The following AXIN1 variants were observed in gnomAD, a reference collection of about 807,000 sequenced individuals.
AXIN1 encodes axin-1.
AXIN1 carries 30 observed loss-of-function variants against 76.4 expected under a neutral mutation model. The observed-to-expected ratio is 0.39, with a 90% CI of 0.29 to 0.53. The LOEUF is 0.53. AXIN1 is among the 20% of genes least tolerant of loss of function. AXIN1 has a pLI of 0.66. For synonymous variants in AXIN1, 545 were observed against 501.4 expected (o/e 1.09, Z -1.16); for missense variants, 1,140 against 1,198.8 (o/e 0.95, Z 0.72).
Position 287,976 on chromosome 16 carries a change from C to T in AXIN1, c.*146G>A. 1 of 1,390,020 alleles carries T rather than the reference C, an allele frequency of 7.2e-7. No homozygotes were observed. The highest frequency in any genetic ancestry group is 1.0e-6 in the Non-Finnish European group (1 of 994,366). The allele number at this position is 1,390,020 out of a possible 1,614,324, so 86.1% of individuals were successfully genotyped here. On this transcript the variant is annotated 3_prime_UTR_variant, in exon 11 of 11. Transcript: ENST00000262320. ...ACCACTTGGAGGGACCCCCTACCTGCCTCTAGACACGGGTAGACCACAGGG... is the reference window on the plus strand; with the variant it reads ...ACCACTTGGAGGGACCCCCTACCTGTCTCTAGACACGGGTAGACCACAGGG...
chr16:323,636 C>A (rs1304190728), intron 2 of AXIN1, among the ~76,000 whole-genome samples: 3 of 151,466 alleles, frequency 2.0e-5, no homozygotes, highest in Non-Finnish European at 4.4e-5. Flanking sequence ...AAAAAATTAG[C>A]CAAGCGTGGT....
rs144093618 is a variant in AXIN1, at chr16:326,394, T to TATATATATATATATATACACAC, written c.879-11712_879-11711insGTGTGTATATATATATATATAT. 4.4e-3 allele frequency among the ~76,000 whole-genome samples: 529 copies of TATATATATATATATATACACAC among 118,912 alleles called. 4 individuals carry two copies. Among genetic ancestry groups the TATATATATATATATATACACAC allele is most frequent in the Non-Finnish European group, 5.8e-3 (336 of 58,370 alleles). 78.0% of individuals were successfully genotyped at this position (118,912 alleles called of 152,430 possible). The stretch of plus-strand genomic sequence containing the variant: ...AAAAATATATATATATATATATATA[T>TATATATATATATATATACACAC]ACACACCTATAGATAAATAACCTAC... On this transcript the variant is annotated intron_variant, in intron 2 of 10. Transcript: ENST00000262320.
At chr16:331,862 C>T (rs1011690802) in intron 2 of AXIN1, among the ~76,000 whole-genome samples, 3 of 152,230 alleles carry the variant, frequency 2.0e-5, no homozygotes, top group African/African-American at 7.2e-5. Flanking sequence ...GATCTCCACA[C>T]AGGCGCACCT....
chr16:297,929 G>A lies in AXIN1; in HGVS notation c.1577C>T (p.Ala526Val), dbSNP rs141699962. The change falls in exon 6 of 11, where the codon GCG becomes GTG. Residue 526 changes from alanine to valine, a missense_variant. Ala to Val is a moderately conservative substitution (Grantham distance 64). Around this residue, in one of 3 missense-constraint regions of AXIN1, gnomAD observed 708 missense variants for 776.9 expected, o/e 0.91. Transcript: ENST00000262320. ...HVPKSGAKLD[A>V]AGLHHHRHVH... is the part of the protein sequence containing the mutation. ...GTGTCGGTGGTGGTGCAGGCCGGCC[G>A]CGTCCAGCTTCGCCCCTGACTTGGG... 5.8e-4 allele frequency: 932 copies of A among 1,599,880 alleles called. 6 individuals carry two copies. In the African/African-American group the frequency reaches 0.011, roughly 19 times the overall value.
intron 3 of AXIN1, among the ~76,000 whole-genome samples, chr16:311,939 C>T (rs755349678): frequency 5.3e-5 from 8 of 152,306 alleles, no homozygotes; most frequent in East Asian, 3.9e-4. Flanking sequence ...GAGGCATCCT[C>T]GGCTGTCACA....
At chr16:299,466 C>G (rs1400361213) in intron 5 of AXIN1, among the ~76,000 whole-genome samples, 3 of 151,712 alleles carry the variant, frequency 2.0e-5, no homozygotes, top group Non-Finnish European at 4.4e-5. Flanking sequence ...AATCCTCCTG[C>G]CTCAGCCTAC....
At chr16:331,941 TC>T (rs1418254339) in intron 2 of AXIN1, among the ~76,000 whole-genome samples, 1 of 152,158 alleles carries the variant, frequency 6.6e-6, no homozygotes, top group African/African-American at 2.4e-5. Flanking sequence ...GCCTGTGGGT[TC>T]CAGAGACCAC....
chr16:331,396 C>T (rs1008643417), intron 2 of AXIN1, among the ~76,000 whole-genome samples: 1 of 152,192 alleles, frequency 6.6e-6, no homozygotes, highest in African/African-American at 2.4e-5. Context: ...GTCCCTAACA[C>T]TCCAAAGCAG....
At chr16:326,372 A>AAAAAAATAT (rs1380874299) in intron 2 of AXIN1, among the ~76,000 whole-genome samples, 2 of 86,468 alleles carry the variant, frequency 2.3e-5, no homozygotes, top group African/African-American at 5.8e-5. Context: ...AAAAAAAAAA[A>AAAAAAATAT]ATATATATAT....
chr16:288,533 T>C (rs2052454718), intron 10 of AXIN1, among the ~76,000 whole-genome samples: 1 of 152,168 alleles, frequency 6.6e-6, no homozygotes, highest in Admixed American at 6.5e-5. Flanking sequence ...AGGGGGGAAG[T>C]GGACGGGTGT....
Position 326,373 on chromosome 16 carries a change from ATAT to A in AXIN1, c.879-11693_879-11691del, listed in dbSNP as rs1233376002. On this transcript the variant is annotated intron_variant, in intron 2 of 10. Transcript: ENST00000262320. ...CCGTCTCAAAAAAAAAAAAAAAAAA[ATAT>A]ATATATATATATATATATACACACC... Among the ~76,000 whole-genome samples the A allele has an allele frequency of 5.8e-3, 289 of 49,522 alleles. 2 individuals are homozygous for A. The highest frequency in any genetic ancestry group is 0.03 in the African/African-American group (263 of 8,676). 32.5% of individuals were successfully genotyped at this position (49,522 alleles called of 152,430 possible). A position where few individuals can be genotyped will look rare whatever the true frequency, so the allele number is the denominator to read the frequency against.
chr16:309,051 C>T (rs1021071794), intron 4 of AXIN1, among the ~76,000 whole-genome samples: 5 of 152,166 alleles, frequency 3.3e-5, no homozygotes, highest in Non-Finnish European at 5.9e-5. Flanking sequence ...GCTAACAGTG[C>T]GTTGCGCAGT....
rs71299927 is a variant in AXIN1, at chr16:320,743, A to ATTTTTTT, written c.879-6067_879-6061dup. ...TGTGTGTATATATATATATATATAT[A>ATTTTTTT]TTTTTTTTTTTTTTGAGACGGAGCC... is the stretch of plus-strand genomic sequence containing the variant. On this transcript the variant is annotated intron_variant, in intron 2 of 10. Transcript: ENST00000262320. Among the ~76,000 whole-genome samples the ATTTTTTT allele has an allele frequency of 5.4e-3, 581 of 107,532 alleles. 19 individuals carry two copies. Among genetic ancestry groups the ATTTTTTT allele is most frequent in the African/African-American group, 0.02 (432 of 21,704 alleles). 70.5% of individuals were successfully genotyped at this position (107,532 alleles called of 152,430 possible).
At chr16:289,684 G>A in intron 9 of AXIN1, 77 bp from the exon 10 acceptor site, 1 of 1,578,194 alleles carries the variant, frequency 6.3e-7, no homozygotes, top group Non-Finnish European at 8.6e-7. Context: ...GCCTCAGGCT[G>A]CCAGTGTAAG....
chr16:289,867 C>G (rs1206491438), intron 9 of AXIN1: 1 of 567,896 alleles, frequency 1.8e-6, no homozygotes, highest in Non-Finnish European at 3.2e-6. Flanking sequence ...CTGGCCAGGG[C>G]CTGGCTGCCA....
At position 335,143 on chromosome 16, in the gene AXIN1, C is replaced by G. The variant is rs112286373; in HGVS notation, c.878+11005G>C. 2.2e-3 allele frequency among the ~76,000 whole-genome samples: 334 copies of G among 152,206 alleles called. 1 individual carries two copies. Among genetic ancestry groups the G allele is most frequent in the African/African-American group, 7.8e-3 (322 of 41,508 alleles). ...TTTATTTGTAAACTTTTTTGTTCAC[C>G]ATGGAAATGCTTTATCTTTGTGGTA... On this transcript the variant is annotated intron_variant, in intron 2 of 10. Transcript: ENST00000262320.
chr16:343,500 G>A (rs894324825), intron 2 of AXIN1, among the ~76,000 whole-genome samples: 22 of 151,652 alleles, frequency 1.5e-4, no homozygotes, highest in Admixed American at 1.2e-3. Context: ...AAAGGAGTTC[G>A]AGACCAGACT....
At chr16:291,076 T>A (rs934728254) in intron 9 of AXIN1, 114 bp downstream of exon 9, 14 of 981,876 alleles carry the variant, frequency 1.4e-5, no homozygotes, top group Non-Finnish European at 2.1e-5. Flanking sequence ...CACAGCTGCT[T>A]CTGAGCGTGG....
Position 349,264 on chromosome 16 carries a change from C to T in AXIN1, c.-81-2158G>A, listed in dbSNP as rs183766909. On this transcript the variant is annotated intron_variant, in intron 1 of 10. Transcript: ENST00000262320. ...TATGTCATCTTGGCCTCAGCAGGAA[C>T]ACACAGCTTCTAAAGGTCAAGGCCC... is the stretch of plus-strand genomic sequence containing the variant. Among the ~76,000 whole-genome samples the T allele has an allele frequency of 2.2e-3, 333 of 152,266 alleles. 1 individual carries two copies. Among genetic ancestry groups the T allele is most frequent in the Non-Finnish European group, 3.5e-3 (236 of 68,024 alleles).
Sources: allele counts gnomAD v4.1 joint callset (sites outside exome capture counted in the v4.1 genomes callset), GRCh38; gene constraint gnomAD v4.1.1; regional missense constraint gnomAD v4.1.1; transcripts MANE v1.5; gene names NCBI Gene and HGNC (gene_info 2026-07-23, HGNC 2026-07-21).